NOS1: variants seen among roughly 807,000 people sequenced by gnomAD.
The protein encoded by NOS1 is nitric oxide synthase 1.
In NOS1, 51 loss-of-function variants were observed where a neutral mutation model predicts 164.5. That is an observed-to-expected ratio of 0.31 (90% CI 0.25 to 0.39). The LOEUF (loss-of-function observed/expected upper bound fraction) is 0.39. Among genes scored for constraint, NOS1 ranks in the 10% least tolerant of loss-of-function variants. The pLI, the probability that NOS1 is intolerant of heterozygous loss-of-function variation, is 1.00. For synonymous variants in NOS1, 719 were observed against 745.8 expected (o/e 0.96, Z 0.59); for missense variants, 1,362 against 1,885.6 (o/e 0.72, Z 5.14).
At chr12:117,250,523 T>A (rs1871013599) in intron 17 of NOS1, among the ~76,000 whole-genome samples, 1 of 152,040 alleles carries the variant, frequency 6.6e-6, no homozygotes, top group African/African-American at 2.4e-5. Flanking sequence ...GAGATGGGGT[T>A]TCACCATGTT....
chr12:117,214,260 A>C lies in NOS1; in HGVS notation c.*1049T>G. On this transcript the variant is annotated 3_prime_UTR_variant, in exon 29 of 29. Transcript: ENST00000317775. ...CCAGGCACCAAAGCTTTAACATTTA[A>C]TCCATTCATATTCTTTAGGTTCGTA... The C allele has an allele frequency of 1.0e-6, 1 of 985,412 alleles. No individual in the cohort carries two copies. The highest frequency in any genetic ancestry group is 1.2e-6 in the Non-Finnish European group (1 of 829,934). 61.0% of individuals were successfully genotyped at this position (985,412 alleles called of 1,614,324 possible).
chr12:117,240,928 A>C (rs1213702550), intron 20 of NOS1, among the ~76,000 whole-genome samples: 1 of 150,134 alleles, frequency 6.7e-6, no homozygotes, highest in Non-Finnish European at 1.5e-5. Flanking sequence ...TTGTATAAGT[A>C]ATTTTTCTTT....
chr12:117,216,011 G>C (rs1333867593), intron 28 of NOS1, among the ~76,000 whole-genome samples: 2 of 151,120 alleles, frequency 1.3e-5, no homozygotes, highest in Non-Finnish European at 2.9e-5. Flanking sequence ...CTGAGTAGCT[G>C]GGATTATAGG....
intron 2 of NOS1, 116 bp from the exon 3 acceptor site, chr12:117,311,708 A>C: frequency 8.7e-7 from 1 of 1,152,934 alleles, no homozygotes; most frequent in Non-Finnish European, 1.2e-6. Context: ...ACATAACTCC[A>C]TATGAGCCAG....
Position 117,213,920 on chromosome 12 carries a change from A to C in NOS1, c.*1389T>G. 1 of 985,444 alleles carries C rather than the reference A, an allele frequency of 1.0e-6. No individual in the cohort carries two copies. Among genetic ancestry groups the C allele is most frequent in the Non-Finnish European group, 1.2e-6 (1 of 829,936 alleles). 61.0% of individuals were successfully genotyped at this position (985,444 alleles called of 1,614,324 possible). A position where few individuals can be genotyped will look rare whatever the true frequency, so the allele number is the denominator to read the frequency against. ...AGGTTGCCTCTTAGGGAGGAATTAC[A>C]CCGGCTCCAATTCCTACCGAAGACT... On this transcript the variant is annotated 3_prime_UTR_variant, in exon 29 of 29. Transcript: ENST00000317775.
At position 117,215,090 on chromosome 12, in the gene NOS1, G is replaced by A. The variant is rs1956584153; in HGVS notation, c.*219C>T. 3 of 1,241,590 alleles carry A rather than the reference G, an allele frequency of 2.4e-6. No individual in the cohort carries two copies. The highest frequency in any genetic ancestry group is 3.0e-6 in the Non-Finnish European group (3 of 987,512). The allele number at this position is 1,241,590 out of a possible 1,614,324, so 76.9% of individuals were successfully genotyped here. A position where few individuals can be genotyped will look rare whatever the true frequency, so the allele number is the denominator to read the frequency against. ...GGAACAGAGTTTTGTAAGAGCCACT[G>A]CAGATTAGAAAAGCATTGCATCGCA... On this transcript the variant is annotated 3_prime_UTR_variant, in exon 29 of 29. Transcript: ENST00000317775.
At position 117,330,992 on chromosome 12, in the gene NOS1, C is replaced by T. The variant is rs1233799239; in HGVS notation, c.78G>A (p.Gly26=). 9.9e-6 allele frequency: 16 copies of T among 1,614,082 alleles called. No homozygotes were observed. In the East Asian group the frequency reaches 2.9e-4, roughly 29 times the overall value. Residue 26 remains glycine (G), a synonymous_variant, in exon 2 of 29, where the codon GGG becomes GGA. Coordinates refer to ENST00000317775, the MANE Select transcript of NOS1 (RefSeq NM_000620.5). This position sits in a 1 kb window ranked among gnomAD's most constrained non-coding sequence, Gnocchi z 4.6. ...ISVRLFKRKV[G]GLGFLVKERV... ...GCTCCTTCACCAGAAATCCCAGGCC[C>T]CCAACTTTGCGCTTGAAGAGACGAA...
intron 9 of NOS1, among the ~76,000 whole-genome samples, chr12:117,276,275 T>C (rs1184853902): frequency 6.6e-6 from 1 of 152,132 alleles, no homozygotes; most frequent in Non-Finnish European, 1.5e-5. Context: ...TAGGTTGTAT[T>C]CATTCTTTCT....
At chr12:117,266,606 C>T (rs187157746) in intron 11 of NOS1, among the ~76,000 whole-genome samples, 9 of 150,946 alleles carry the variant, frequency 6.0e-5, no homozygotes, top group East Asian at 2.0e-4. Flanking sequence ...GGTGCAATCT[C>T]GGCTCGCCGC....
intron 1 of NOS1, among the ~76,000 whole-genome samples, chr12:117,341,969 G>T (rs1876131849): frequency 2.0e-5 from 3 of 152,162 alleles, no homozygotes; most frequent in Admixed American, 1.3e-4. Context: ...GGCTAGATAT[G>T]CAAACATAAT....
intron 10 of NOS1, among the ~76,000 whole-genome samples, chr12:117,270,517 T>C (rs1329053147): frequency 6.6e-6 from 1 of 151,994 alleles, no homozygotes; most frequent in Admixed American, 6.6e-5. Flanking sequence ...CATAAATACA[T>C]ATAAAACTGG....
intron 3 of NOS1, among the ~76,000 whole-genome samples, chr12:117,290,713 G>A (rs1400874950): frequency 2.6e-5 from 4 of 152,116 alleles, no homozygotes; most frequent in Middle Eastern, 3.4e-3. Context: ...CAACAGGGTC[G>A]GACACACTGA....
intron 3 of NOS1, chr12:117,309,543 G>A (rs1335754430): frequency 1.1e-5 from 2 of 189,090 alleles, no homozygotes; most frequent in Non-Finnish European, 2.0e-5. Context: ...CCCATGTTTC[G>A]ACCTCCCACC....
intron 7 of NOS1, among the ~76,000 whole-genome samples, chr12:117,282,807 T>C (rs1873781333): frequency 6.6e-6 from 1 of 152,124 alleles, no homozygotes; most frequent in Admixed American, 6.6e-5. Context: ...TAAAGGGTGT[T>C]TGTGTAATGT....
chr12:117,344,096 C>T (rs1274650187), intron 1 of NOS1, among the ~76,000 whole-genome samples: 1 of 152,160 alleles, frequency 6.6e-6, no homozygotes, highest in Non-Finnish European at 1.5e-5. Flanking sequence ...AATGTATTTG[C>T]AGTTGCCCTA....
At chr12:117,308,815 T>G (rs1874286894) in intron 3 of NOS1, among the ~76,000 whole-genome samples, 2 of 152,216 alleles carry the variant, frequency 1.3e-5, no homozygotes, top group African/African-American at 4.8e-5. Flanking sequence ...CAGGCTGGTC[T>G]TGAACTCTTG....
intron 4 of NOS1, among the ~76,000 whole-genome samples, chr12:117,289,634 C>T (rs563012356): frequency 6.6e-5 from 10 of 152,314 alleles, no homozygotes; most frequent in African/African-American, 1.7e-4. Context: ...TTTTAAGCCC[C>T]GCATGCATTA....
rs1241922266 is a variant in NOS1 at position 117,243,055 on chromosome 12, T to A, written c.2962+242A>T. On this transcript the variant is annotated intron_variant, in intron 19 of 28. Coordinates refer to ENST00000317775, the MANE Select transcript of NOS1 (RefSeq NM_000620.5). The surrounding 1 kb of genome is among the most constrained non-coding windows in gnomAD (Gnocchi z 4.3). ...AGAACAAAAAGAAAATATAGTTGAG[T>A]TAAGTTGAGAAGAGGATGGTTTGGA... Among the ~76,000 whole-genome samples the A allele has an allele frequency of 6.6e-6, 1 of 151,940 alleles. No individual in the cohort carries two copies. The highest frequency in any genetic ancestry group is 1.5e-5 in the Non-Finnish European group (1 of 67,988).
chr12:117,269,464 G>C (rs11068431), intron 10 of NOS1, among the ~76,000 whole-genome samples: 1 of 118,422 alleles, frequency 8.4e-6, no homozygotes, highest in African/African-American at 3.6e-5. Context: ...CTGGAGATTT[G>C]TTTTTTTTTT....
Sources: gnomAD v4.1 joint callset for allele counts (sites outside exome capture counted in the v4.1 genomes callset) on GRCh38, gnomAD v4.1.1 for gene constraint, Gnocchi (gnomAD v3.1) non-coding constraint, MANE v1.5 for transcripts, NCBI Gene and HGNC (gene_info 2026-07-23, HGNC 2026-07-21) for gene names.